The following ANKS1B variants were observed in gnomAD, a reference collection of about 807,000 sequenced individuals.
ANKS1B encodes the protein ankyrin repeat and sterile alpha motif domain-containing protein 1B.
ANKS1B carries 36 observed loss-of-function variants against 148.3 expected under a neutral mutation model. The ratio of observed to expected loss-of-function variants is 0.24; its 90% CI spans 0.19 to 0.32. ANKS1B has a LOEUF of 0.32. Ranked by LOEUF, ANKS1B falls within the 10% of genes least tolerant of loss-of-function variation. ANKS1B has a pLI of 1.00. For missense variants in ANKS1B, 1,157 were observed against 1,542.6 expected, an observed-to-expected ratio of 0.75 and a Z score of 4.19; for synonymous variants, 542 against 560.8, an observed-to-expected ratio of 0.97 and a Z score of 0.47.
intron 1 of ANKS1B, among the ~76,000 whole-genome samples, chr12:99,966,622 AT>A (rs1332246466): frequency 6.6e-6 from 1 of 152,194 alleles, no homozygotes; most frequent in Non-Finnish European, 1.5e-5. Flanking sequence ...CATGTAAATG[AT>A]TTTTGTAAGG....
At chr12:99,365,375 C>T (rs1224706925) in intron 12 of ANKS1B, among the ~76,000 whole-genome samples, 1 of 152,176 alleles carries the variant, frequency 6.6e-6, no homozygotes, top group Non-Finnish European at 1.5e-5. Flanking sequence ...TTCATGTGAT[C>T]CCACAAAAGA....
At chr12:99,771,071 G>T (rs1436848903) in intron 8 of ANKS1B, among the ~76,000 whole-genome samples, 1 of 151,972 alleles carries the variant, frequency 6.6e-6, no homozygotes, top group Non-Finnish European at 1.5e-5. Flanking sequence ...AAAGTCAAAA[G>T]CCTTTGCCGT....
At chr12:99,382,245 C>G (rs1234818377) in intron 12 of ANKS1B, among the ~76,000 whole-genome samples, 2 of 152,098 alleles carry the variant, frequency 1.3e-5, no homozygotes, top group Non-Finnish European at 2.9e-5. Flanking sequence ...AATCAGGTGC[C>G]CACATGTCCA....
At chr12:99,980,696 T>G (rs1473518131) in intron 1 of ANKS1B, among the ~76,000 whole-genome samples, 1 of 152,028 alleles carries the variant, frequency 6.6e-6, no homozygotes, top group Non-Finnish European at 1.5e-5. Context: ...TGTCTTGCCA[T>G]ATAAAAGGTT....
chr12:99,978,483 CTTCAAACATCA>C (rs1168883837), intron 1 of ANKS1B, among the ~76,000 whole-genome samples: 1 of 152,230 alleles, frequency 6.6e-6, no homozygotes, highest in Non-Finnish European at 1.5e-5. Flanking sequence ...GCAATCACCA[CTTCAAACATCA>C]TTACTATCTA....
chr12:99,622,704 C>T (rs1442222579), intron 9 of ANKS1B, among the ~76,000 whole-genome samples: 1 of 151,800 alleles, frequency 6.6e-6, no homozygotes. Flanking sequence ...CAGGAAGAAA[C>T]TGAAACCCTA....
At chr12:99,311,179 A>G (rs770371722) in intron 12 of ANKS1B, among the ~76,000 whole-genome samples, 10 of 152,210 alleles carry the variant, frequency 6.6e-5, no homozygotes, top group Admixed American at 2.0e-4. Flanking sequence ...TTAAGCAAAT[A>G]GAATTTACTC....
At chr12:99,141,137 C>T (rs1420869966) in intron 15 of ANKS1B, among the ~76,000 whole-genome samples, 1 of 151,980 alleles carries the variant, frequency 6.6e-6, no homozygotes, top group Admixed American at 6.6e-5. Flanking sequence ...CTTTTTCTAC[C>T]TAATCATTCC....
intron 25 of ANKS1B, among the ~76,000 whole-genome samples, chr12:98,757,198 G>T (rs1295517710): frequency 6.6e-6 from 1 of 152,184 alleles, no homozygotes; most frequent in Non-Finnish European, 1.5e-5. Context: ...GGGTCTCAAA[G>T]ACATTGGAGC....
intron 16 of ANKS1B, among the ~76,000 whole-genome samples, chr12:99,058,064 G>A (rs2040882782): frequency 6.6e-6 from 1 of 151,994 alleles, no homozygotes; most frequent in Admixed American, 6.6e-5. Context: ...AAAACCCTTG[G>A]TGTTTATCCA....
intron 14 of ANKS1B, among the ~76,000 whole-genome samples, chr12:99,202,717 C>T (rs2082210228): frequency 6.6e-6 from 1 of 152,194 alleles, no homozygotes; most frequent in Non-Finnish European, 1.5e-5. Context: ...GTATAACAAT[C>T]AACCTAAAAC....
intron 12 of ANKS1B, among the ~76,000 whole-genome samples, chr12:99,302,656 C>T (rs867819465): frequency 1.3e-5 from 2 of 152,030 alleles, no homozygotes; most frequent in Non-Finnish European, 2.9e-5. Context: ...CCTAATTCCC[C>T]TTTATTCACT....
At chr12:99,282,991 G>A (rs1168555837) in intron 12 of ANKS1B, among the ~76,000 whole-genome samples, 1 of 152,134 alleles carries the variant, frequency 6.6e-6, no homozygotes, top group East Asian at 1.9e-4. Flanking sequence ...AAATAGCGGA[G>A]ACAAGAACTA....
chr12:98,751,493 C>T lies in ANKS1B; in HGVS notation c.3609G>A (p.Leu1203=). The T allele has an allele frequency of 6.2e-7, 1 of 1,613,908 alleles. No homozygotes were observed. The highest frequency in any genetic ancestry group is 8.5e-7 in the Non-Finnish European group (1 of 1,179,888). Residue 1203 remains leucine (L), a synonymous_variant, in exon 26 of 27, where the codon CTG becomes CTA. Coordinates refer to ENST00000683438, the MANE Select transcript of ANKS1B (RefSeq NM_001352186.2). This position sits in a 1 kb window ranked among gnomAD's most constrained non-coding sequence, Gnocchi z 4.3. Reference sequence around the variant, plus strand: ...GGTAAGCGACTTCGAATGCCTGTCCCAGGGTTAGGATGATTTCATAGGCTA... The same window carrying T: ...GGTAAGCGACTTCGAATGCCTGTCCTAGGGTTAGGATGATTTCATAGGCTA... ...VNLAYEIILT[L]GQAFEVAYQL... is the part of the protein sequence containing the mutation.
chr12:99,291,818 C>A (rs1206185100), intron 12 of ANKS1B, among the ~76,000 whole-genome samples: 1 of 152,050 alleles, frequency 6.6e-6, no homozygotes, highest in Non-Finnish European at 1.5e-5. Context: ...ATATATAGAC[C>A]AATGGAACAG....
At chr12:99,847,330 G>A (rs544367121) in intron 1 of ANKS1B, among the ~76,000 whole-genome samples, 5 of 152,042 alleles carry the variant, frequency 3.3e-5, no homozygotes, top group African/African-American at 9.6e-5. Context: ...CCCAAGGCAG[G>A]CCATAAAAAA....
intron 9 of ANKS1B, among the ~76,000 whole-genome samples, chr12:99,622,469 A>G (rs560606611): frequency 9.9e-5 from 15 of 151,962 alleles, no homozygotes; most frequent in Non-Finnish European, 2.2e-4. Context: ...TTTGTAAAGG[A>G]TAAAGGATAA....
At chr12:99,691,148 T>C (rs529606796) in intron 8 of ANKS1B, among the ~76,000 whole-genome samples, 1 of 152,320 alleles carries the variant, frequency 6.6e-6, no homozygotes, top group South Asian at 2.1e-4. Flanking sequence ...GCAGCTGCGA[T>C]GCAAGGCACC....
chr12:99,650,327 G>A (rs11109974), intron 9 of ANKS1B, among the ~76,000 whole-genome samples: 170 of 150,658 alleles, frequency 1.1e-3, no homozygotes, highest in South Asian at 2.7e-3. Flanking sequence ...CTCCAGGTTT[G>A]AATCACAGCA....
Sources: allele counts gnomAD v4.1 joint callset (sites outside exome capture counted in the v4.1 genomes callset), GRCh38; gene constraint gnomAD v4.1.1; non-coding constraint Gnocchi (gnomAD v3.1); transcripts MANE v1.5; gene names NCBI Gene and HGNC (gene_info 2026-07-23, HGNC 2026-07-21).